The following TNS3 variants were observed in gnomAD, a reference collection of about 807,000 sequenced individuals.
TNS3 encodes tensin-3.
TNS3 carries 45 observed loss-of-function variants against 140.9 expected under a neutral mutation model. The observed-to-expected ratio is 0.32, with a 90% CI of 0.25 to 0.41. The LOEUF is 0.41. TNS3 is among the 10% of genes least tolerant of loss of function. The probability of loss-of-function intolerance (pLI) is 1.00; values close to 1 mark genes in which losing one functional copy is unlikely to be tolerated. For missense variants in TNS3, 1,716 were observed against 1,906.7 expected, an observed-to-expected ratio of 0.90 and a Z score of 1.86; for synonymous variants, 815 against 788.4, an observed-to-expected ratio of 1.03 and a Z score of -0.56.
chr7:47,280,382 GCTCCTGTTACT>G (rs770030097), intron 28 of TNS3, 28 bp from the exon 29 acceptor site: 5 of 1,610,232 alleles, frequency 3.1e-6, no homozygotes, highest in African/African-American at 1.3e-5. Context: ...AGAGAGGATG[GCTCCTGTTACT>G]AGGGCTTTTG....
In TNS3 at chr7:47,317,255, C is replaced by T. The variant is rs1026898762; in HGVS notation, c.2651-12252G>A. ...AATGGGAATCCTGTCCACCAAAAGC[C>T]GGGTGACCCTTTTATGACATTCTCA... On this transcript the variant is annotated intron_variant, in intron 20 of 30. Coordinates refer to ENST00000311160, the MANE Select transcript of TNS3 (RefSeq NM_022748.12). Among the ~76,000 whole-genome samples, 9 of 152,220 alleles carry T rather than the reference C, an allele frequency of 5.9e-5. No homozygotes were observed. The South Asian group carries it at 6.2e-4, about 11-fold the overall frequency.
chr7:47,493,495 G>T (rs1391547939), intron 3 of TNS3, among the ~76,000 whole-genome samples: 1 of 152,032 alleles, frequency 6.6e-6, no homozygotes, highest in Non-Finnish European at 1.5e-5. Flanking sequence ...GAACAGTTTG[G>T]GTTTTACCAA....
At chr7:47,543,868 T>G (rs1799856106) in intron 1 of TNS3, among the ~76,000 whole-genome samples, 1 of 152,204 alleles carries the variant, frequency 6.6e-6, no homozygotes, top group Non-Finnish European at 1.5e-5. Flanking sequence ...CTTCAGGGCT[T>G]CTTCTGACAA....
chr7:47,553,319 C>T (rs1340785555), intron 1 of TNS3, among the ~76,000 whole-genome samples: 1 of 152,210 alleles, frequency 6.6e-6, no homozygotes, highest in African/African-American at 2.4e-5. Flanking sequence ...TTAGAAGATG[C>T]CACCTAGGAC....
chr7:47,366,806 G>A (rs555415636), intron 17 of TNS3, among the ~76,000 whole-genome samples: 3 of 151,858 alleles, frequency 2.0e-5, no homozygotes, highest in Admixed American at 6.6e-5. Context: ...GCCTGCAGCC[G>A]GGGTGCTTAG....
At chr7:47,474,588 AAG>A (rs1300350734) in intron 4 of TNS3, among the ~76,000 whole-genome samples, 3 of 149,512 alleles carry the variant, frequency 2.0e-5, no homozygotes, top group African/African-American at 7.4e-5. Context: ...CAACACACAC[AAG>A]ACACACCTCA....
intron 9 of TNS3, among the ~76,000 whole-genome samples, chr7:47,425,869 C>G (rs941908918): frequency 6.6e-6 from 1 of 152,020 alleles, no homozygotes; most frequent in Non-Finnish European, 1.5e-5. Flanking sequence ...TGATAAAGAT[C>G]TCAAATGTGT....
chr7:47,354,062 G>A (rs540226936), intron 17 of TNS3, among the ~76,000 whole-genome samples: 55 of 150,402 alleles, frequency 3.7e-4, no homozygotes, highest in Non-Finnish European at 5.9e-4. Context: ...AGAACTGGCC[G>A]TAATGCAATG....
intron 1 of TNS3, among the ~76,000 whole-genome samples, chr7:47,566,681 T>A (rs995687998): frequency 3.3e-5 from 5 of 152,096 alleles, no homozygotes; most frequent in Non-Finnish European, 7.4e-5. Flanking sequence ...GTATCAAAGG[T>A]AAGAAGGGAA....
chr7:47,502,422 A>G (rs1177159595), intron 3 of TNS3, among the ~76,000 whole-genome samples: 1 of 152,226 alleles, frequency 6.6e-6, no homozygotes, highest in Non-Finnish European at 1.5e-5. Context: ...CAGTTTCTGA[A>G]GAAGCCATAA....
At chr7:47,388,292 G>A (rs545749685) in intron 16 of TNS3, among the ~76,000 whole-genome samples, 1 of 152,232 alleles carries the variant, frequency 6.6e-6, no homozygotes, top group South Asian at 2.1e-4. Flanking sequence ...AAGCTTCGTG[G>A]CTCAGGGTCC....
At chr7:47,297,646 A>G (rs1183164547) in intron 23 of TNS3, among the ~76,000 whole-genome samples, 1 of 152,034 alleles carries the variant, frequency 6.6e-6, no homozygotes, top group African/African-American at 2.4e-5. Context: ...AAATATACAC[A>G]AAGGGGAGAA....
chr7:47,541,571 G>T (rs762537395), intron 1 of TNS3, among the ~76,000 whole-genome samples: 10 of 152,132 alleles, frequency 6.6e-5, no homozygotes, highest in Non-Finnish European at 1.0e-4. Flanking sequence ...TAAACAACTT[G>T]GAGATCAAAA....
At chr7:47,414,342 A>T (rs1430498696) in intron 11 of TNS3, among the ~76,000 whole-genome samples, 1 of 152,072 alleles carries the variant, frequency 6.6e-6, no homozygotes, top group Non-Finnish European at 1.5e-5. Context: ...GACAATAGAA[A>T]CCTCTGAGCA....
chr7:47,487,966 C>A (rs566984247), intron 3 of TNS3, among the ~76,000 whole-genome samples: 1 of 152,050 alleles, frequency 6.6e-6, no homozygotes, highest in Non-Finnish European at 1.5e-5. Context: ...CAGATACGGA[C>A]GCCAAATATT....
intron 1 of TNS3, among the ~76,000 whole-genome samples, chr7:47,571,847 G>T (rs776298597): frequency 6.6e-6 from 1 of 152,230 alleles, no homozygotes; most frequent in African/African-American, 2.4e-5. Flanking sequence ...CATGCCGCTG[G>T]CCACACAGCT....
chr7:47,426,675 G>A (rs1413576050), intron 9 of TNS3, among the ~76,000 whole-genome samples: 1 of 152,150 alleles, frequency 6.6e-6, no homozygotes, highest in Non-Finnish European at 1.5e-5. Context: ...ACATGCAGCT[G>A]AAATACATAT....
intron 9 of TNS3, among the ~76,000 whole-genome samples, chr7:47,425,768 T>G (rs540686013): frequency 6.6e-6 from 1 of 152,340 alleles, no homozygotes; most frequent in Non-Finnish European, 1.5e-5. Context: ...AGTACTGGTT[T>G]TGTCTTTATA....
intron 2 of TNS3, among the ~76,000 whole-genome samples, chr7:47,515,428 A>T (rs1798748920): frequency 6.6e-6 from 1 of 152,066 alleles, no homozygotes. Flanking sequence ...ATCACCAGTC[A>T]CAGCACTATC....
Sources: allele counts gnomAD v4.1 joint callset (sites outside exome capture counted in the v4.1 genomes callset), GRCh38; gene constraint gnomAD v4.1.1; transcripts MANE v1.5; gene names NCBI Gene and HGNC (gene_info 2026-07-23, HGNC 2026-07-21).